MARCHF1: variants seen among roughly 807,000 people sequenced by gnomAD.
MARCHF1 encodes E3 ubiquitin-protein ligase MARCHF1.
MARCHF1 carries 40 observed loss-of-function variants against 54.2 expected under a neutral mutation model. That is an observed-to-expected ratio of 0.74 (90% CI 0.57 to 0.96). The LOEUF (loss-of-function observed/expected upper bound fraction) is 0.96, where lower values mean the gene tolerates loss of function less well. Ranked by LOEUF, MARCHF1 falls within the 40% of genes least tolerant of loss-of-function variation. MARCHF1 has a pLI of 0.00. For synonymous variants in MARCHF1, 236 were observed against 236.3 expected (o/e 1.00, Z 0.01); for missense variants, 586 against 656.5 (o/e 0.89, Z 1.17).
At chr4:163,956,793 C>T (rs116835173) in intron 3 of MARCHF1, among the ~76,000 whole-genome samples, 325 of 152,048 alleles carry the variant, frequency 2.1e-3, no homozygotes, top group African/African-American at 7.7e-3. Context: ...GTATATTTAT[C>T]AATTTCAAAT....
chr4:163,785,521 T>C (rs540149836), intron 4 of MARCHF1, among the ~76,000 whole-genome samples: 15 of 152,120 alleles, frequency 9.9e-5, no homozygotes, highest in Admixed American at 4.6e-4. Context: ...GACTTTTTTT[T>C]CCTCCTCAAT....
chr4:164,058,940 G>A lies in MARCHF1; in HGVS notation c.-248+52648C>T, dbSNP rs559286121. On this transcript the variant is annotated intron_variant, in intron 2 of 9. Transcript: ENST00000514618. ...CAAAAACTGCAGGTGTTCCATCTAT[G>A]CAGAGTAACAAGATTATTTTTCCAG... Among the ~76,000 whole-genome samples the A allele has an allele frequency of 1.1e-3, 165 of 152,322 alleles. 1 individual carries two copies. The highest frequency in any genetic ancestry group is 3.2e-3 in the Admixed American group (49 of 15,302).
At chr4:163,689,613 C>G (rs1443022559) in intron 5 of MARCHF1, among the ~76,000 whole-genome samples, 1 of 151,800 alleles carries the variant, frequency 6.6e-6, no homozygotes, top group East Asian at 1.9e-4. Flanking sequence ...GTTCTAGAGT[C>G]AATAACTAAC....
At chr4:164,346,036 G>C (rs1730083655) in intron 1 of MARCHF1, among the ~76,000 whole-genome samples, 1 of 152,066 alleles carries the variant, frequency 6.6e-6, no homozygotes, top group Non-Finnish European at 1.5e-5. Context: ...ATGTTTTTCA[G>C]GCCAATGGTT....
chr4:164,048,422 C>A (rs948322744), intron 2 of MARCHF1, among the ~76,000 whole-genome samples: 1 of 152,108 alleles, frequency 6.6e-6, no homozygotes, highest in Non-Finnish European at 1.5e-5. Flanking sequence ...TCAGAATCAT[C>A]TGAATCATCA....
At chr4:163,558,628 C>CT (rs1250875559) in intron 8 of MARCHF1, among the ~76,000 whole-genome samples, 1 of 152,178 alleles carries the variant, frequency 6.6e-6, no homozygotes, top group African/African-American at 2.4e-5. Flanking sequence ...GCTGCAGGCA[C>CT]TTGCAGAGAG....
intron 3 of MARCHF1, among the ~76,000 whole-genome samples, chr4:163,858,190 G>A (rs1008397419): frequency 2.0e-5 from 3 of 152,030 alleles, no homozygotes; most frequent in Non-Finnish European, 4.4e-5. Flanking sequence ...CCATGAGCAT[G>A]GTACGCCTAG....
At chr4:164,077,159 A>G (rs1238460704) in intron 2 of MARCHF1, among the ~76,000 whole-genome samples, 1 of 152,178 alleles carries the variant, frequency 6.6e-6, no homozygotes, top group African/African-American at 2.4e-5. Context: ...CCCAAACAAC[A>G]TGGCACTGGT....
intron 2 of MARCHF1, among the ~76,000 whole-genome samples, chr4:163,998,743 A>C (rs1483669876): frequency 6.6e-6 from 1 of 151,676 alleles, no homozygotes; most frequent in Admixed American, 6.6e-5. Flanking sequence ...ATTTATCTTA[A>C]TGTTCTCCAG....
intron 2 of MARCHF1, among the ~76,000 whole-genome samples, chr4:164,056,580 G>A (rs987491617): frequency 2.0e-5 from 3 of 152,044 alleles, no homozygotes; most frequent in African/African-American, 7.2e-5. Context: ...AAAAATGTTA[G>A]TATTGTTATC....
chr4:163,755,635 T>C (rs1456832793), intron 4 of MARCHF1, among the ~76,000 whole-genome samples: 1 of 151,150 alleles, frequency 6.6e-6, no homozygotes, highest in Non-Finnish European at 1.5e-5. Context: ...TTTTTTTTTT[T>C]CCTGAAGGAA....
At chr4:163,856,727 G>A (rs548125087) in intron 3 of MARCHF1, among the ~76,000 whole-genome samples, 2 of 152,154 alleles carry the variant, frequency 1.3e-5, no homozygotes, top group South Asian at 2.1e-4. Context: ...AGCCTCCAAA[G>A]GGGCTGGGCA....
intron 5 of MARCHF1, among the ~76,000 whole-genome samples, chr4:163,643,815 CT>C (rs1742652101): frequency 6.6e-6 from 1 of 151,850 alleles, no homozygotes. Context: ...TCAAAGCAAG[CT>C]TTTAGGTTTT....
chr4:163,755,461 T>C (rs541079641), intron 4 of MARCHF1, among the ~76,000 whole-genome samples: 2 of 152,334 alleles, frequency 1.3e-5, no homozygotes, highest in African/African-American at 4.8e-5. Flanking sequence ...AGATGTTGCA[T>C]GTTGAATCCC....
intron 2 of MARCHF1, among the ~76,000 whole-genome samples, chr4:164,076,743 GAGAC>G (rs1367182224): frequency 1.3e-5 from 2 of 151,754 alleles, no homozygotes; most frequent in African/African-American, 4.8e-5. Context: ...ACACCAATAA[GAGAC>G]AGAGAGCCAA....
At chr4:163,561,222 T>C (rs548828456) in intron 8 of MARCHF1, among the ~76,000 whole-genome samples, 1 of 152,310 alleles carries the variant, frequency 6.6e-6, no homozygotes, top group South Asian at 2.1e-4. Flanking sequence ...ATATTACAAT[T>C]AGAAACTTTT....
chr4:163,911,852 C>T (rs1290755573), intron 3 of MARCHF1, among the ~76,000 whole-genome samples: 2 of 152,122 alleles, frequency 1.3e-5, no homozygotes, highest in East Asian at 3.9e-4. Flanking sequence ...AGAAATCAAT[C>T]TTGCTGATAC....
chr4:163,770,052 A>G (rs1243509405), intron 4 of MARCHF1, among the ~76,000 whole-genome samples: 2 of 149,076 alleles, frequency 1.3e-5, no homozygotes, highest in South Asian at 4.3e-4. Context: ...TCTCTTCCTT[A>G]TGATTTTCTT....
At chr4:163,609,687 T>C (rs1579109467) in intron 7 of MARCHF1, among the ~76,000 whole-genome samples, 1 of 151,260 alleles carries the variant, frequency 6.6e-6, no homozygotes, top group African/African-American at 2.4e-5. Context: ...CATATATATA[T>C]ATTTTTTTGC....
Sources: gnomAD v4.1 joint callset for allele counts (sites outside exome capture counted in the v4.1 genomes callset) on GRCh38, gnomAD v4.1.1 for gene constraint, MANE v1.5 for transcripts, NCBI Gene and HGNC (gene_info 2026-07-23, HGNC 2026-07-21) for gene names.